MAP2K1: variants seen among roughly 807,000 people sequenced by gnomAD.
MAP2K1 encodes mitogen-activated protein kinase kinase 1, also known as dual specificity mitogen-activated protein kinase kinase 1.
MAP2K1 carries 16 observed loss-of-function variants against 46.3 expected under a neutral mutation model. The ratio of observed to expected loss-of-function variants is 0.35; its 90% CI spans 0.23 to 0.52. The LOEUF is 0.52. Ranked by LOEUF, MAP2K1 falls within the 20% of genes least tolerant of loss-of-function variation. The pLI is 0.94. For synonymous variants in MAP2K1, 183 were observed against 185.6 expected (o/e 0.99, Z 0.11); for missense variants, 263 against 497.1 (o/e 0.53, Z 4.48).
At chr15:66,391,151 T>C (rs2140516085) in intron 1 of MAP2K1, among the ~76,000 whole-genome samples, 1 of 151,934 alleles carries the variant, frequency 6.6e-6, no homozygotes, top group African/African-American at 2.4e-5. Flanking sequence ...CTCAGCCTCT[T>C]GAGTAGCTGG....
In MAP2K1 at chr15:66,435,240, G is replaced by T. The variant is rs1198562275; in HGVS notation, c.291+3G>T. On this transcript the variant is annotated splice_donor_region_variant and intron_variant, in intron 2 of 10. Coordinates refer to ENST00000307102, the MANE Select transcript of MAP2K1 (RefSeq NM_002755.4). ...CTGGCCTGGTCATGGCCAGAAAGGT[G>T]AGTTTGCCTTGATTAACAGGTAATT... The T allele has an allele frequency of 1.9e-6, 3 of 1,613,306 alleles. No homozygotes were observed. In the Middle Eastern group the frequency reaches 4.9e-4, roughly 266 times the overall value.
chr15:66,449,028 A>G (rs1405695342), intron 5 of MAP2K1, among the ~76,000 whole-genome samples: 1 of 146,688 alleles, frequency 6.8e-6, no homozygotes, highest in Non-Finnish European at 1.5e-5. Flanking sequence ...AAAAAAAAAA[A>G]CAACAACAAC....
chr15:66,449,852 G>T (rs923719364), intron 5 of MAP2K1, among the ~76,000 whole-genome samples: 12 of 152,160 alleles, frequency 7.9e-5, no homozygotes, highest in African/African-American at 2.9e-4. Context: ...TTGCACTCCA[G>T]CCTGGACAAC....
intron 1 of MAP2K1, among the ~76,000 whole-genome samples, chr15:66,412,767 A>C (rs1018042850): frequency 6.6e-6 from 1 of 152,196 alleles, no homozygotes. Flanking sequence ...GTCATAGTGC[A>C]CTGCAGCCTG....
chr15:66,426,423 A>G (rs186595202), intron 1 of MAP2K1, among the ~76,000 whole-genome samples: 4 of 152,282 alleles, frequency 2.6e-5, no homozygotes, highest in African/African-American at 9.6e-5. Context: ...TCAACAAAAA[A>G]ATTAGCATGT....
At chr15:66,430,614 G>T (rs962393106) in intron 1 of MAP2K1, among the ~76,000 whole-genome samples, 4 of 152,186 alleles carry the variant, frequency 2.6e-5, no homozygotes, top group African/African-American at 9.7e-5. Context: ...TAGGAGTTAG[G>T]AGACCTGCCA....
chr15:66,458,805 C>A (rs762399542), intron 5 of MAP2K1, among the ~76,000 whole-genome samples: 4 of 152,134 alleles, frequency 2.6e-5, no homozygotes, highest in Non-Finnish European at 5.9e-5. Flanking sequence ...CTGGTGTGAT[C>A]CACTGTGCTT....
intron 1 of MAP2K1, among the ~76,000 whole-genome samples, chr15:66,410,515 CT>C (rs1595845286): frequency 6.6e-6 from 1 of 152,168 alleles, no homozygotes; most frequent in African/African-American, 2.4e-5. Flanking sequence ...ACAATTGTGC[CT>C]TTTGGCTCTA....
chr15:66,391,568 A>C (rs58662804), intron 1 of MAP2K1, among the ~76,000 whole-genome samples: 1 of 152,278 alleles, frequency 6.6e-6, no homozygotes, highest in African/African-American at 2.4e-5. Context: ...CACTGTGCCC[A>C]GCCTGCACTG....
At chr15:66,414,400 T>A (rs1405238360) in intron 1 of MAP2K1, among the ~76,000 whole-genome samples, 2 of 152,194 alleles carry the variant, frequency 1.3e-5, no homozygotes, top group Non-Finnish European at 2.9e-5. Flanking sequence ...CTGATTACAA[T>A]TTTATTATAG....
rs1245718564 is a variant in MAP2K1 at position 66,435,064 on chromosome 15, C to G, written c.118C>G (p.Leu40Val). The stretch of plus-strand genomic sequence containing the variant: ...GGCCTTGCAGAAGAAGCTGGAGGAG[C>G]TAGAGCTTGATGAGCAGCAGCGAAA... ...LEALQKKLEE[L>V]ELDEQQRKRL... The change falls in exon 2 of 11, where the codon CTA (leucine) becomes GTA (valine). Residue 40 changes from leucine (L) to valine (V), a missense_variant. Physicochemically the swap from Leu to Val is conservative, Grantham distance 32 (BLOSUM62 1). Transcript: ENST00000307102. 6.2e-7 allele frequency: 1 copy of G among 1,614,110 alleles called. No individual in the cohort carries two copies. The highest frequency in any genetic ancestry group is 8.5e-7 in the Non-Finnish European group (1 of 1,179,984).
At chr15:66,399,763 A>C (rs1439144461) in intron 1 of MAP2K1, among the ~76,000 whole-genome samples, 2 of 151,976 alleles carry the variant, frequency 1.3e-5, no homozygotes, top group African/African-American at 4.8e-5. Context: ...TGCCTGGGTA[A>C]TTTTTGTATT....
At chr15:66,464,015 G>A (rs1453043553) in intron 5 of MAP2K1, among the ~76,000 whole-genome samples, 1 of 152,216 alleles carries the variant, frequency 6.6e-6, no homozygotes, top group Non-Finnish European at 1.5e-5. Context: ...TGAGAGGCAG[G>A]TTTGCCCTAA....
At chr15:66,473,540 C>T (rs1595881189) in intron 5 of MAP2K1, among the ~76,000 whole-genome samples, 1 of 152,078 alleles carries the variant, frequency 6.6e-6, no homozygotes, top group Non-Finnish European at 1.5e-5. Context: ...AGAGTGCTGT[C>T]AGGGAATCTG....
chr15:66,477,042 G>A lies in MAP2K1; in HGVS notation c.569-4713G>A, dbSNP rs562712335. On this transcript the variant is annotated intron_variant, in intron 5 of 10. Transcript: ENST00000307102. Reference sequence around the variant, plus strand: ...CAGGTGGCTTCTTGTGAGGCCCTCCGGGATCTGGCTCCCAGGACCAATGTG... The same window carrying A: ...CAGGTGGCTTCTTGTGAGGCCCTCCAGGATCTGGCTCCCAGGACCAATGTG... Among the ~76,000 whole-genome samples, 20 of 152,212 alleles carry A rather than the reference G, an allele frequency of 1.3e-4. No homozygotes were observed. The South Asian group carries it at 3.3e-3, about 25-fold the overall frequency.
chr15:66,408,187 C>A (rs1595844035), intron 1 of MAP2K1, among the ~76,000 whole-genome samples: 1 of 152,334 alleles, frequency 6.6e-6, no homozygotes, highest in East Asian at 1.9e-4. Flanking sequence ...ATTAGATCCC[C>A]AGTGCAGGTT....
intron 5 of MAP2K1, among the ~76,000 whole-genome samples, chr15:66,470,923 A>G (rs752802406): frequency 3.9e-4 from 59 of 152,336 alleles, no homozygotes; most frequent in Middle Eastern, 3.4e-3. Flanking sequence ...AGACATCAGT[A>G]TATGTAAGAT....
At chr15:66,399,188 A>C (rs1410097794) in intron 1 of MAP2K1, among the ~76,000 whole-genome samples, 1 of 152,222 alleles carries the variant, frequency 6.6e-6, no homozygotes, top group African/African-American at 2.4e-5. Flanking sequence ...AACATACACA[A>C]ACAGTGGATA....
At chr15:66,401,566 A>G (rs1595840292) in intron 1 of MAP2K1, among the ~76,000 whole-genome samples, 2 of 152,220 alleles carry the variant, frequency 1.3e-5, no homozygotes, top group Admixed American at 1.3e-4. Context: ...GAGTAACATT[A>G]TCTCAGCCTT....
Sources: allele counts gnomAD v4.1 joint callset (sites outside exome capture counted in the v4.1 genomes callset), GRCh38; gene constraint gnomAD v4.1.1; transcripts MANE v1.5; gene names NCBI Gene and HGNC (gene_info 2026-07-23, HGNC 2026-07-21).